Variants in CNTNAP5 observed in about 807,000 individuals in gnomAD.
The protein encoded by CNTNAP5 is contactin associated protein family member 5.
CNTNAP5 carries 72 observed loss-of-function variants against 150.2 expected under a neutral mutation model. That is an observed-to-expected ratio of 0.48 (90% CI 0.40 to 0.58). CNTNAP5 has a LOEUF of 0.58. Among genes scored for constraint, CNTNAP5 ranks in the 20% least tolerant of loss-of-function variants. CNTNAP5 has a pLI of 0.00. For missense variants in CNTNAP5, 1,636 were observed against 1,626.2 expected (o/e 1.01, Z -0.10); for synonymous variants, 672 against 619.8 (o/e 1.08, Z -1.25).
At chr2:124,063,309 C>G (rs1682062340) in intron 1 of CNTNAP5, among the ~76,000 whole-genome samples, 1 of 152,076 alleles carries the variant, frequency 6.6e-6, no homozygotes, top group African/African-American at 2.4e-5. Context: ...GTTATGTCAT[C>G]TTAAGCTAAT....
chr2:124,575,507 C>T (rs1330623184), intron 11 of CNTNAP5, among the ~76,000 whole-genome samples: 1 of 152,150 alleles, frequency 6.6e-6, no homozygotes, highest in African/African-American at 2.4e-5. Flanking sequence ...ATCCACTATT[C>T]ATTCCCTGAG....
intron 10 of CNTNAP5, among the ~76,000 whole-genome samples, chr2:124,557,429 G>A (rs1277301158): frequency 6.6e-6 from 1 of 152,146 alleles, no homozygotes; most frequent in African/African-American, 2.4e-5. Context: ...AATGGGTGAA[G>A]GCCAGCAAGG....
At chr2:124,192,133 C>T (rs1432757028) in intron 1 of CNTNAP5, among the ~76,000 whole-genome samples, 1 of 152,078 alleles carries the variant, frequency 6.6e-6, no homozygotes, top group Admixed American at 6.6e-5. Flanking sequence ...CCATTTTTCC[C>T]CTGCTCTGGC....
intron 11 of CNTNAP5, among the ~76,000 whole-genome samples, chr2:124,574,302 G>A (rs889464400): frequency 2.0e-5 from 3 of 152,118 alleles, no homozygotes; most frequent in East Asian, 3.9e-4. Context: ...ATACTGTGTG[G>A]ATTATACGTG....
chr2:124,879,396 A>G (rs1200114434), intron 21 of CNTNAP5, among the ~76,000 whole-genome samples: 1 of 152,144 alleles, frequency 6.6e-6, no homozygotes, highest in East Asian at 1.9e-4. Flanking sequence ...CACACTACCC[A>G]TGACTGGGCC....
At chr2:124,720,220 A>G (rs577170243) in intron 13 of CNTNAP5, among the ~76,000 whole-genome samples, 2 of 152,292 alleles carry the variant, frequency 1.3e-5, no homozygotes, top group South Asian at 4.1e-4. Flanking sequence ...TTCATCTATA[A>G]GAAAGGGTTT....
At position 124,524,349 on chromosome 2, in the gene CNTNAP5, C is replaced by T. The variant is rs372442435; in HGVS notation, c.1374C>T (p.Ala458=). ...DGLWHSVSIN[A]RRNRITLTLD... ...TGTGGCACTCGGTTAGCATCAACGC[C>T]AGGAGGAACCGCATCACGCTCACTC... Residue 458 remains alanine, a synonymous_variant, in exon 9 of 24, where the codon GCC becomes GCT. Transcript: ENST00000682447. 5.0e-6 allele frequency: 8 copies of T among 1,613,752 alleles called. No individual in the cohort carries two copies. The African/African-American group carries it at 1.1e-4, about 22-fold the overall frequency.
chr2:124,255,032 A>C (rs115436199), intron 3 of CNTNAP5, among the ~76,000 whole-genome samples: 2,678 of 152,272 alleles, frequency 0.018, 29 homozygotes, highest in Non-Finnish European at 0.027. Context: ...GAAAGTCCTA[A>C]AGAAAGAATG....
Position 124,497,751 on chromosome 2 carries a change from T to C in CNTNAP5, c.1063-6541T>C, listed in dbSNP as rs533459856. ...GAGTCCAGGTTTAGGAATGTTTGAC[T>C]AACATGGAGGCCTGAGCTCCCTGTT... On this transcript the variant is annotated intron_variant, in intron 7 of 23. Transcript: ENST00000682447. Among the ~76,000 whole-genome samples the C allele has an allele frequency of 1.7e-3, 255 of 152,330 alleles. 1 individual carries two copies. The highest frequency in any genetic ancestry group is 5.9e-3 in the African/African-American group (244 of 41,570).
chr2:124,136,784 C>A (rs1443058566), intron 1 of CNTNAP5, among the ~76,000 whole-genome samples: 2 of 152,138 alleles, frequency 1.3e-5, no homozygotes, highest in Non-Finnish European at 2.9e-5. Context: ...GAAAGCAATG[C>A]ACCTCTTTTC....
At chr2:124,279,035 G>C (rs1239158931) in intron 3 of CNTNAP5, among the ~76,000 whole-genome samples, 3 of 151,914 alleles carry the variant, frequency 2.0e-5, no homozygotes, top group Admixed American at 2.0e-4. Context: ...AGGTTCTAGA[G>C]GACCATGGGC....
intron 11 of CNTNAP5, among the ~76,000 whole-genome samples, chr2:124,580,449 C>T (rs1480640295): frequency 2.0e-5 from 3 of 152,206 alleles, no homozygotes; most frequent in African/African-American, 4.8e-5. Flanking sequence ...TGTTTCTGTA[C>T]CTCACTTCCA....
chr2:124,223,728 C>T (rs1219387561), intron 2 of CNTNAP5, among the ~76,000 whole-genome samples: 2 of 151,778 alleles, frequency 1.3e-5, no homozygotes, highest in Non-Finnish European at 2.9e-5. Context: ...AGTGTCTTTG[C>T]TCCAACTTAT....
intron 17 of CNTNAP5, among the ~76,000 whole-genome samples, chr2:124,773,933 TGTGTGTGTGTGTGTGAGA>T (rs1297672681): frequency 6.8e-6 from 1 of 147,374 alleles, no homozygotes; most frequent in African/African-American, 2.6e-5. Flanking sequence ...TGTGTGTGTG[TGTGTGTGTGTGTGTGAGA>T]GAGAGAGAGA....
intron 3 of CNTNAP5, among the ~76,000 whole-genome samples, chr2:124,285,129 G>A (rs1286923472): frequency 6.6e-6 from 1 of 152,042 alleles, no homozygotes; most frequent in Non-Finnish European, 1.5e-5. Context: ...TTTTCCACCG[G>A]GCAACTTGAG....
intron 1 of CNTNAP5, among the ~76,000 whole-genome samples, chr2:124,136,698 T>A (rs1251023468): frequency 6.6e-6 from 1 of 152,160 alleles, no homozygotes; most frequent in Non-Finnish European, 1.5e-5. Flanking sequence ...CCATCATAAG[T>A]CAGGGACTGT....
At chr2:124,175,233 A>G (rs1036543219) in intron 1 of CNTNAP5, among the ~76,000 whole-genome samples, 54 of 152,358 alleles carry the variant, frequency 3.5e-4, no homozygotes, top group Admixed American at 2.4e-3. Context: ...CTACACATAC[A>G]TATGTATGTA....
At chr2:124,294,271 A>G (rs1039066287) in intron 3 of CNTNAP5, among the ~76,000 whole-genome samples, 4 of 152,244 alleles carry the variant, frequency 2.6e-5, no homozygotes, top group Non-Finnish European at 5.9e-5. Context: ...TCTTGGGCAC[A>G]ACAGATAAAT....
chr2:124,619,100 A>T (rs765387435), intron 12 of CNTNAP5, among the ~76,000 whole-genome samples: 6 of 152,210 alleles, frequency 3.9e-5, no homozygotes, highest in Non-Finnish European at 8.8e-5. Context: ...TCTCGGCTTC[A>T]TACCTCCATC....
Sources: gnomAD v4.1 joint callset for allele counts (sites outside exome capture counted in the v4.1 genomes callset) on GRCh38, gnomAD v4.1.1 for gene constraint, MANE v1.5 for transcripts, NCBI Gene and HGNC (gene_info 2026-07-23, HGNC 2026-07-21) for gene names.